The following PHLPP1 variants were observed in gnomAD, a reference collection of about 807,000 sequenced individuals.
The protein encoded by PHLPP1 is PH domain and leucine rich repeat protein phosphatase 1.
PHLPP1 carries 42 observed loss-of-function variants against 117.2 expected under a neutral mutation model. The ratio of observed to expected loss-of-function variants is 0.36; its 90% CI spans 0.28 to 0.46. The LOEUF (loss-of-function observed/expected upper bound fraction) is 0.46, where lower values mean the gene tolerates loss of function less well. Among genes scored for constraint, PHLPP1 ranks in the 20% least tolerant of loss-of-function variants. The pLI is 1.00. For missense variants in PHLPP1, 2,084 were observed against 2,241.9 expected (o/e 0.93, Z 1.42); for synonymous variants, 1,042 against 970.7 (o/e 1.07, Z -1.37).
At chr18:62,874,704 GTC>G (rs934710771) in intron 4 of PHLPP1, among the ~76,000 whole-genome samples, 5 of 150,640 alleles carry the variant, frequency 3.3e-5, no homozygotes, top group Non-Finnish European at 7.4e-5. Context: ...CTCGCTCTCT[GTC>G]TCTCTCTGTC....
At chr18:62,937,237 C>T (rs941097279) in intron 10 of PHLPP1, among the ~76,000 whole-genome samples, 3 of 152,214 alleles carry the variant, frequency 2.0e-5, no homozygotes, top group Non-Finnish European at 4.4e-5. Context: ...AGCAATTGCT[C>T]AAGAAGCAGG....
At chr18:62,749,695 C>G (rs1911785678) in intron 1 of PHLPP1, among the ~76,000 whole-genome samples, 1 of 152,166 alleles carries the variant, frequency 6.6e-6, no homozygotes, top group African/African-American at 2.4e-5. Context: ...TCTCTGGTGT[C>G]TCTTGTGTGT....
At chr18:62,877,651 C>T (rs1042586321) in intron 4 of PHLPP1, among the ~76,000 whole-genome samples, 1 of 152,208 alleles carries the variant, frequency 6.6e-6, no homozygotes, top group African/African-American at 2.4e-5. Flanking sequence ...CTGGAAGTTC[C>T]TTTCTTATAC....
At chr18:62,755,075 C>G (rs1410889091) in intron 1 of PHLPP1, among the ~76,000 whole-genome samples, 3 of 152,200 alleles carry the variant, frequency 2.0e-5, no homozygotes, top group African/African-American at 7.2e-5. Flanking sequence ...TAGACAACAG[C>G]ATTTTGAAGT....
chr18:62,902,551 T>C (rs1314934341), intron 6 of PHLPP1, among the ~76,000 whole-genome samples: 1 of 152,256 alleles, frequency 6.6e-6, no homozygotes, highest in Non-Finnish European at 1.5e-5. Flanking sequence ...GTAGTTGTGA[T>C]GTGCCTAACA....
At chr18:62,872,825 A>G (rs1387308228) in intron 4 of PHLPP1, among the ~76,000 whole-genome samples, 1 of 151,880 alleles carries the variant, frequency 6.6e-6, no homozygotes, top group African/African-American at 2.4e-5. Flanking sequence ...CGCCACTACT[A>G]AAAATACAAA....
chr18:62,903,015 T>C lies in PHLPP1; in HGVS notation c.2496T>C (p.His832=), dbSNP rs1916763927. Residue 832 remains histidine (H), a synonymous_variant, in exon 7 of 17, where the codon CAT becomes CAC. Coordinates refer to ENST00000262719, the MANE Select transcript of PHLPP1 (RefSeq NM_194449.4). ...LIADEVDFLQ[H]VTQLDLRDNK... is the part of the protein sequence containing the mutation. ...CAGATGAAGTGGACTTTCTACAGCA[T>C]GTTACTCAGCTTGACCTACGAGACA... 2 of 1,613,312 alleles carry C rather than the reference T, an allele frequency of 1.2e-6. No homozygotes were observed. Among genetic ancestry groups the C allele is most frequent in the Middle Eastern group, 1.7e-4 (1 of 6,060 alleles).
intron 8 of PHLPP1, among the ~76,000 whole-genome samples, chr18:62,905,707 A>C (rs575379): frequency 0.53 from 80,934 of 151,898 alleles, 22,251 homozygotes; most frequent in Non-Finnish European, 0.61. Context: ...GATTTCTTAC[A>C]CCCCTTGTTT....
chr18:62,906,165 TC>T (rs1308187485), intron 8 of PHLPP1: 5 of 152,248 alleles, frequency 3.3e-5, no homozygotes, highest in Non-Finnish European at 7.3e-5. Flanking sequence ...TGATTTGTCT[TC>T]TACAGAATTT....
intron 6 of PHLPP1, among the ~76,000 whole-genome samples, chr18:62,898,531 ACTCAAGCC>A (rs1200301063): frequency 6.6e-6 from 1 of 152,052 alleles, no homozygotes; most frequent in Non-Finnish European, 1.5e-5. Context: ...AGTTCAAGGT[ACTCAAGCC>A]CTCATATTTG....
chr18:62,735,035 T>C (rs1911331547), intron 1 of PHLPP1, among the ~76,000 whole-genome samples: 1 of 151,790 alleles, frequency 6.6e-6, no homozygotes, highest in Admixed American at 6.6e-5. Context: ...TAAGAGGATG[T>C]CATTCTTTTT....
chr18:62,721,686 T>C (rs1236762350), intron 1 of PHLPP1, among the ~76,000 whole-genome samples: 2 of 152,168 alleles, frequency 1.3e-5, no homozygotes, highest in Non-Finnish European at 2.9e-5. Flanking sequence ...AATTCGTGTG[T>C]CTTTTGTACT....
chr18:62,725,882 A>T (rs1246322800), intron 1 of PHLPP1, among the ~76,000 whole-genome samples: 1 of 152,164 alleles, frequency 6.6e-6, no homozygotes, highest in Non-Finnish European at 1.5e-5. Context: ...AGGAACTTTT[A>T]AAAAAATGCG....
chr18:62,716,776 C>G lies in PHLPP1; in HGVS notation c.1093C>G (p.Pro365Ala). 3 of 1,526,694 alleles carry G rather than the reference C, an allele frequency of 2.0e-6. No individual in the cohort carries two copies. Among genetic ancestry groups the G allele is most frequent in the Non-Finnish European group, 2.6e-6 (3 of 1,142,244 alleles). 94.6% of individuals were successfully genotyped at this position (1,526,694 alleles called of 1,614,324 possible). Residue 365 changes from proline (P) to alanine (A), a missense_variant, in exon 1 of 17, where the codon CCC becomes GCC. Transcript: ENST00000262719. The surrounding 1 kb of genome is among the most constrained non-coding windows in gnomAD (Gnocchi z 5.7). ...SAESVSDRLD[P>A]YSSGGGSSSS... ...CGAGAGCGTGTCTGACCGGTTGGAC[C>G]CCTACAGCAGCGGCGGCGGCTCCTC...
intron 1 of PHLPP1, among the ~76,000 whole-genome samples, chr18:62,729,074 A>G (rs929687648): frequency 6.6e-6 from 1 of 152,226 alleles, no homozygotes; most frequent in African/African-American, 2.4e-5. Flanking sequence ...AGAAAAAATG[A>G]AGTGTTTTTT....
rs1197057643 is a variant in PHLPP1 at position 62,979,016 on chromosome 18, A to G, written c.4739A>G (p.Gln1580Arg). The change falls in exon 17 of 17, where the codon CAG becomes CGG. Residue 1580 changes from glutamine (Q) to arginine (R), a missense_variant. Transcript: ENST00000262719. ...HCSRAKEKEK[Q>R]QHLLQVPAEA... is the part of the protein sequence containing the mutation. ...AGCCGGGCCAAGGAGAAGGAGAAAC[A>G]GCAGCACCTGCTTCAGGTGCCAGCA... 6.3e-7 allele frequency: 1 copy of G among 1,599,834 alleles called. No individual in the cohort carries two copies. The highest frequency in any genetic ancestry group is 1.7e-5 in the Admixed American group (1 of 59,256).
At chr18:62,732,645 G>A (rs1432420446) in intron 1 of PHLPP1, among the ~76,000 whole-genome samples, 2 of 152,138 alleles carry the variant, frequency 1.3e-5, no homozygotes, top group East Asian at 3.9e-4. Flanking sequence ...CATTTTGTAA[G>A]GCTATAGCTG....
At chr18:62,879,273 C>G (rs189320532) in intron 4 of PHLPP1, among the ~76,000 whole-genome samples, 3 of 152,352 alleles carry the variant, frequency 2.0e-5, no homozygotes, top group Admixed American at 6.5e-5. Context: ...GCTCTTACTG[C>G]TCTTCTGCCA....
intron 1 of PHLPP1, among the ~76,000 whole-genome samples, chr18:62,823,438 C>A (rs1488358643): frequency 2.6e-5 from 4 of 151,778 alleles, no homozygotes; most frequent in Non-Finnish European, 5.9e-5. Context: ...GTGGCGGGCA[C>A]CTGTAGTCCC....
Sources: gnomAD v4.1 joint callset for allele counts (sites outside exome capture counted in the v4.1 genomes callset) on GRCh38, gnomAD v4.1.1 for gene constraint, Gnocchi (gnomAD v3.1) non-coding constraint, MANE v1.5 for transcripts, NCBI Gene and HGNC (gene_info 2026-07-23, HGNC 2026-07-21) for gene names.